Variants in DNAH6 observed in about 807,000 individuals in gnomAD.
DNAH6 encodes the protein dynein axonemal heavy chain 6, also known as axonemal beta dynein heavy chain 6.
In DNAH6, 340 loss-of-function variants were observed where a neutral mutation model predicts 491.4. That is an observed-to-expected ratio of 0.69 (90% CI 0.63 to 0.76). DNAH6 has a LOEUF of 0.76. Among genes scored for constraint, DNAH6 ranks in the 30% least tolerant of loss-of-function variants. DNAH6 has a pLI of 0.00. For missense variants in DNAH6, 4,443 were observed against 4,972.2 expected (o/e 0.89, Z 3.20); for synonymous variants, 1,603 against 1,686.1 (o/e 0.95, Z 1.21).
the DNAH6 span, among the ~76,000 whole-genome samples, chr2:84,496,971 CTTTTTT>C: frequency 4.1e-5 from 5 of 122,014 alleles, no homozygotes; most frequent in Non-Finnish European, 3.5e-5. Context: ...AATATGTACT[CTTTTTT>C]TTTTTTTTTT....
chr2:84,603,716 C>T (rs1460711), intron 18 of DNAH6, among the ~76,000 whole-genome samples: 131,043 of 152,130 alleles, frequency 0.86, 57,243 homozygotes, highest in East Asian at 0.99. Context: ...ATGTTCTATT[C>T]CTCCAGTTAT....
At chr2:84,718,490 A>G in intron 59 of DNAH6, 106 bp downstream of exon 59, 1 of 927,442 alleles carries the variant, frequency 1.1e-6, no homozygotes, top group East Asian at 3.0e-5. Context: ...CGGGGGCCAC[A>G]CTGGGCTTCC....
chr2:84,707,835 A>G (rs1282523867), intron 54 of DNAH6, 119 bp downstream of exon 54: 1 of 718,678 alleles, frequency 1.4e-6, no homozygotes, highest in East Asian at 2.7e-5. Flanking sequence ...TCATGGTGGA[A>G]TTTCTTTATA....
At chr2:84,615,925 A>C (rs768188468) in intron 22 of DNAH6, among the ~76,000 whole-genome samples, 1 of 151,938 alleles carries the variant, frequency 6.6e-6, no homozygotes, top group Non-Finnish European at 1.5e-5. Context: ...TGCTGAATTC[A>C]TTGATCAGGT....
chr2:84,511,561 G>A (rs988658363), upstream of DNAH6, among the ~76,000 whole-genome samples: 9 of 152,162 alleles, frequency 5.9e-5, no homozygotes, highest in African/African-American at 1.9e-4. Flanking sequence ...CTCACTCTCG[G>A]TGCGCTGCAC....
chr2:84,480,307 T>G, the DNAH6 span, among the ~76,000 whole-genome samples: 1 of 152,232 alleles, frequency 6.6e-6, no homozygotes, highest in African/African-American at 2.4e-5. Context: ...ACCCAGACTC[T>G]GTGAAGCTCT....
chr2:84,694,176 C>A, intron 45 of DNAH6, 73 bp from the exon 46 acceptor site: 2 of 1,388,770 alleles, frequency 1.4e-6, no homozygotes, highest in African/African-American at 1.4e-5. Flanking sequence ...CAGCCTTTGG[C>A]TCTGGGGCAG....
intron 29 of DNAH6, among the ~76,000 whole-genome samples, chr2:84,634,046 A>G (rs1389159569): frequency 6.6e-6 from 1 of 152,208 alleles, no homozygotes; most frequent in Non-Finnish European, 1.5e-5. Context: ...AGAAGAAATT[A>G]AGAATCACTA....
chr2:84,697,948 C>A, intron 47 of DNAH6: 1 of 545,830 alleles, frequency 1.8e-6, no homozygotes, highest in Non-Finnish European at 3.2e-6. Context: ...ATCCCATTGC[C>A]CCACAGAGGT....
the DNAH6 span, among the ~76,000 whole-genome samples, chr2:84,460,782 C>G: frequency 6.6e-6 from 1 of 152,206 alleles, no homozygotes; most frequent in Non-Finnish European, 1.5e-5. Flanking sequence ...GACCAGGTCT[C>G]ACTAACGCAG....
intron 63 of DNAH6, among the ~76,000 whole-genome samples, chr2:84,756,234 G>A (rs913572760): frequency 2.2e-4 from 34 of 152,250 alleles, no homozygotes; most frequent in African/African-American, 7.9e-4. Flanking sequence ...ATCAAGTGAA[G>A]GAAGACAGAA....
Position 84,634,702 on chromosome 2 carries a change from G to C in DNAH6, c.4653+61G>C. ...TCCTTAAATTTGTCATTAACTCACA[G>C]AATGTTACATTTTAGGAAGGAGATG... On this transcript the variant is annotated intron_variant, in intron 30 of 76. Coordinates refer to ENST00000389394, the MANE Select transcript of DNAH6 (RefSeq NM_001370.2). 2.1e-6 allele frequency: 3 copies of C among 1,419,484 alleles called. No homozygotes were observed. In the Admixed American group the frequency reaches 9.1e-5, roughly 43 times the overall value. The allele number at this position is 1,419,484 out of a possible 1,614,324, so 87.9% of individuals were successfully genotyped here.
intron 29 of DNAH6, among the ~76,000 whole-genome samples, chr2:84,627,062 C>T (rs547016538): frequency 2.0e-5 from 3 of 152,252 alleles, no homozygotes; most frequent in Admixed American, 6.5e-5. Context: ...ACTTTGAGAC[C>T]GTGGTTCTGA....
chr2:84,815,861 T>C lies in DNAH6; in HGVS notation c.12151T>C (p.Leu4051=). Residue 4051 remains leucine, a splice_region_variant and synonymous_variant, in exon 76 of 77, where the codon TTG becomes CTG. Transcript: ENST00000389394. The stretch of plus-strand genomic sequence containing the variant: ...TTTGAGACTTGTGGGTATCTTTCAG[T>C]TGCCCTCTCCTGAGGATGGTGTTCT... The part of the protein sequence containing the change: ...FGQELPMDME[L]PSPEDGVLVH... The C allele has an allele frequency of 6.5e-7, 1 of 1,548,216 alleles. No individual in the cohort carries two copies. The highest frequency in any genetic ancestry group is 8.7e-7 in the Non-Finnish European group (1 of 1,144,480).
chr2:84,808,675 A>C (rs1679673623), intron 72 of DNAH6, 133 bp downstream of exon 72: 3 of 849,930 alleles, frequency 3.5e-6, no homozygotes, highest in African/African-American at 1.7e-5. Context: ...AAGCCCAATG[A>C]GTCTAAAAAT....
At chr2:84,585,972 C>T (rs1310224176) in intron 15 of DNAH6, among the ~76,000 whole-genome samples, 1 of 152,216 alleles carries the variant, frequency 6.6e-6, no homozygotes, top group Admixed American at 6.5e-5. Flanking sequence ...GGGACCCACC[C>T]CCTTCCATTC....
chr2:84,624,812 A>T, intron 28 of DNAH6, 90 bp from the exon 29 acceptor site: 1 of 1,358,276 alleles, frequency 7.4e-7, no homozygotes, highest in Admixed American at 2.8e-5. Context: ...TTTCATAGAA[A>T]ATAATAATCC....
At chr2:84,472,095 GTGT>G in the DNAH6 span, among the ~76,000 whole-genome samples, 1 of 152,000 alleles carries the variant, frequency 6.6e-6, no homozygotes, top group South Asian at 2.1e-4. Flanking sequence ...GTCCTGTCAG[GTGT>G]TGTTTTGCTG....
At chr2:84,547,697 T>A in intron 7 of DNAH6, 85 bp downstream of exon 7, 1 of 1,306,900 alleles carries the variant, frequency 7.7e-7, no homozygotes, top group Non-Finnish European at 1.1e-6. Context: ...TTCTTAAGTT[T>A]AAATAATGAT....
Sources: gnomAD v4.1 joint callset for allele counts (sites outside exome capture counted in the v4.1 genomes callset) on GRCh38, gnomAD v4.1.1 for gene constraint, MANE v1.5 for transcripts, NCBI Gene and HGNC (gene_info 2026-07-23, HGNC 2026-07-21) for gene names.